The following SLC6A11 variants were observed in gnomAD, a reference collection of about 807,000 sequenced individuals.
SLC6A11 encodes the protein sodium- and chloride-dependent GABA transporter 3.
SLC6A11 carries 25 observed loss-of-function variants against 74.8 expected under a neutral mutation model. The observed-to-expected ratio is 0.33, with a 90% CI of 0.24 to 0.47. The LOEUF (loss-of-function observed/expected upper bound fraction) is 0.47. Ranked by LOEUF, SLC6A11 falls within the 20% of genes least tolerant of loss-of-function variation. The probability of loss-of-function intolerance (pLI) is 1.00; values close to 1 mark genes in which losing one functional copy is unlikely to be tolerated. For synonymous variants in SLC6A11, 330 were observed against 330.2 expected, an observed-to-expected ratio of 1.00 and a Z score of 0.01; for missense variants, 574 against 837.0, an observed-to-expected ratio of 0.69 and a Z score of 3.88.
At chr3:10,837,098 G>A (rs1031882801) in intron 4 of SLC6A11, among the ~76,000 whole-genome samples, 1 of 152,186 alleles carries the variant, frequency 6.6e-6, no homozygotes, top group Non-Finnish European at 1.5e-5. Context: ...CCCTGGGGTT[G>A]GGGTGGGGAC....
At chr3:10,930,409 G>A (rs1460676581) in intron 10 of SLC6A11, among the ~76,000 whole-genome samples, 1 of 152,196 alleles carries the variant, frequency 6.6e-6, no homozygotes, top group Non-Finnish European at 1.5e-5. Context: ...TTCAGCACCT[G>A]GCATGGGGTG....
intron 5 of SLC6A11, among the ~76,000 whole-genome samples, chr3:10,859,607 G>C (rs1694680046): frequency 6.6e-6 from 1 of 152,122 alleles, no homozygotes; most frequent in African/African-American, 2.4e-5. Flanking sequence ...GATGTTTCAA[G>C]GTATCCATGA....
At chr3:10,927,037 G>C (rs1695617743) in intron 9 of SLC6A11, among the ~76,000 whole-genome samples, 1 of 152,208 alleles carries the variant, frequency 6.6e-6, no homozygotes, top group Admixed American at 6.5e-5. Flanking sequence ...GCCTGTGGGA[G>C]TGCCGCCCTC....
intron 5 of SLC6A11, among the ~76,000 whole-genome samples, chr3:10,869,307 C>G (rs1694801897): frequency 1.3e-5 from 2 of 152,194 alleles, no homozygotes; most frequent in Non-Finnish European, 2.9e-5. Flanking sequence ...TCAGCAACAT[C>G]TGGGCAGACA....
At chr3:10,859,108 AGGCCACCATAAAATGT>A (rs564055931) in intron 5 of SLC6A11, among the ~76,000 whole-genome samples, 156 of 152,360 alleles carry the variant, frequency 1.0e-3, no homozygotes, top group African/African-American at 3.6e-3. Flanking sequence ...CTTTATAAAA[AGGCCACCATAAAATGT>A]GGCATGTGGA....
Position 10,844,203 on chromosome 3 carries a change from C to G in SLC6A11, c.624-11C>G. On this transcript the variant is annotated splice_polypyrimidine_tract_variant and intron_variant, in intron 4 of 13. Transcript: ENST00000254488. The stretch of plus-strand genomic sequence containing the variant: ...CCCAGCCCCAGTGACTCTCCACCCT[C>G]CCTTCTGCAGGCACCGGGTCCTGGC... 1.2e-6 allele frequency: 2 copies of G among 1,614,198 alleles called. No homozygotes were observed. Among genetic ancestry groups the G allele is most frequent in the Non-Finnish European group, 1.7e-6 (2 of 1,180,030 alleles).
intron 5 of SLC6A11, among the ~76,000 whole-genome samples, chr3:10,849,209 C>T (rs547972931): frequency 6.6e-6 from 1 of 152,306 alleles, no homozygotes; most frequent in Non-Finnish European, 1.5e-5. Flanking sequence ...TGAGAAAACA[C>T]AGGATTCTAA....
chr3:10,831,323 C>T (rs1432554623), intron 4 of SLC6A11, among the ~76,000 whole-genome samples: 1 of 151,812 alleles, frequency 6.6e-6, no homozygotes, highest in Non-Finnish European at 1.5e-5. Context: ...TTACACAGAA[C>T]CTGAACATGT....
At chr3:10,870,246 G>A (rs1180302587) in intron 5 of SLC6A11, among the ~76,000 whole-genome samples, 2 of 152,212 alleles carry the variant, frequency 1.3e-5, no homozygotes, top group Non-Finnish European at 2.9e-5. Context: ...GATCCCAGGA[G>A]TTTCATTCCT....
chr3:10,933,103 C>A, intron 10 of SLC6A11, 48 bp from the exon 11 acceptor site: 1 of 1,356,598 alleles, frequency 7.4e-7, no homozygotes, highest in Non-Finnish European at 1.1e-6. Context: ...CCTGCTCTCC[C>A]GTGTGTCCGT....
At chr3:10,827,200 C>T (rs775444055) in intron 4 of SLC6A11, among the ~76,000 whole-genome samples, 224 of 152,306 alleles carry the variant, frequency 1.5e-3, no homozygotes, top group Non-Finnish European at 2.3e-3. Flanking sequence ...AAAGCTATGT[C>T]CTTCAGTGAG....
At chr3:10,852,512 G>A (rs73115407) in intron 5 of SLC6A11, among the ~76,000 whole-genome samples, 2,253 of 152,342 alleles carry the variant, frequency 0.015, 52 homozygotes, top group African/African-American at 0.051. Context: ...TGGTAATACC[G>A]TCTTTATTAA....
chr3:10,936,722 G>A lies in SLC6A11; in HGVS notation c.1746+1523G>A, dbSNP rs917861052. On this transcript the variant is annotated intron_variant, in intron 13 of 13. Transcript: ENST00000254488. The stretch of plus-strand genomic sequence containing the variant: ...GGCCAAACATGTCCAGAGGGAAGCT[G>A]ACCTGGGGCCTTAAAACCTTGACCA... Among the ~76,000 whole-genome samples the A allele has an allele frequency of 2.0e-5, 3 of 152,204 alleles. No homozygotes were observed. In the East Asian group the frequency reaches 5.8e-4, roughly 29 times the overall value.
intron 6 of SLC6A11, among the ~76,000 whole-genome samples, chr3:10,889,360 T>A (rs1258541251): frequency 6.6e-6 from 1 of 152,158 alleles, no homozygotes; most frequent in Non-Finnish European, 1.5e-5. Context: ...ATGTGCAATG[T>A]TGTAGCTCCA....
intron 13 of SLC6A11, among the ~76,000 whole-genome samples, chr3:10,937,897 A>C (rs747667332): frequency 6.6e-6 from 1 of 152,204 alleles, no homozygotes; most frequent in Non-Finnish European, 1.5e-5. Context: ...CCAGCTTCTC[A>C]GTGTCCCTTG....
intron 5 of SLC6A11, among the ~76,000 whole-genome samples, chr3:10,850,940 G>A (rs1485319362): frequency 6.6e-6 from 1 of 152,128 alleles, no homozygotes; most frequent in East Asian, 1.9e-4. Flanking sequence ...CACCTCTCAG[G>A]GTTTCATCCT....
intron 6 of SLC6A11, among the ~76,000 whole-genome samples, chr3:10,882,976 G>A (rs567478039): frequency 5.9e-5 from 9 of 152,286 alleles, no homozygotes; most frequent in East Asian, 1.9e-4. Context: ...CTGGAACACC[G>A]GTGGCAGTCC....
intron 3 of SLC6A11, among the ~76,000 whole-genome samples, chr3:10,821,135 T>C (rs1341080900): frequency 6.6e-6 from 1 of 152,192 alleles, no homozygotes; most frequent in African/African-American, 2.4e-5. Context: ...AGGGAACTCA[T>C]AGAAATGTTT....
chr3:10,917,395 A>G (rs1029027103), intron 7 of SLC6A11, among the ~76,000 whole-genome samples: 1 of 152,218 alleles, frequency 6.6e-6, no homozygotes, highest in Non-Finnish European at 1.5e-5. Context: ...CAGGGATGCC[A>G]TGGAGGCTAG....
Sources: allele counts gnomAD v4.1 joint callset (sites outside exome capture counted in the v4.1 genomes callset), GRCh38; gene constraint gnomAD v4.1.1; transcripts MANE v1.5; gene names NCBI Gene and HGNC (gene_info 2026-07-23, HGNC 2026-07-21).